The following ARIH1 variants were observed in gnomAD, a reference collection of about 807,000 sequenced individuals.
ARIH1 encodes ariadne RBR E3 ubiquitin protein ligase 1.
In ARIH1, 8 loss-of-function variants were observed where a neutral mutation model predicts 85.0. The ratio of observed to expected loss-of-function variants is 0.09; its 90% confidence interval spans 0.06 to 0.17. ARIH1 has a LOEUF of 0.17. Ranked by LOEUF, ARIH1 falls within the 10% of genes least tolerant of loss-of-function variation. The pLI is 1.00. For synonymous variants in ARIH1, 238 were observed against 253.6 expected (o/e 0.94, Z 0.59); for missense variants, 311 against 718.1 (o/e 0.43, Z 6.48).
At chr15:72,557,954 A>G (rs1367980620) in intron 5 of ARIH1, among the ~76,000 whole-genome samples, 1 of 152,174 alleles carries the variant, frequency 6.6e-6, no homozygotes, top group East Asian at 1.9e-4. Flanking sequence ...CAGAGTCTTT[A>G]GGGTTATTTC....
At chr15:72,510,601 G>T (rs1419545836) in intron 1 of ARIH1, among the ~76,000 whole-genome samples, 1 of 151,548 alleles carries the variant, frequency 6.6e-6, no homozygotes, top group Non-Finnish European at 1.5e-5. Context: ...GGCGGGCTTG[G>T]TGGTGGGCGC....
intron 1 of ARIH1, among the ~76,000 whole-genome samples, chr15:72,500,689 A>T (rs1372019924): frequency 3.3e-5 from 5 of 152,222 alleles, no homozygotes; most frequent in Non-Finnish European, 5.9e-5. Context: ...CATCTTTCAC[A>T]TTAGGAAGGT....
Position 72,530,848 on chromosome 15 carries a change from A to G in ARIH1, c.443+12714A>G, listed in dbSNP as rs556783695. 3.3e-5 allele frequency among the ~76,000 whole-genome samples: 5 copies of G among 152,374 alleles called. No individual in the cohort carries two copies. In the South Asian group the frequency reaches 8.3e-4, roughly 25 times the overall value. On this transcript the variant is annotated intron_variant, in intron 2 of 13. Coordinates refer to ENST00000379887, the MANE Select transcript of ARIH1 (RefSeq NM_005744.5). ...CAATGATCCAGAATTAAGTATATCC[A>G]TTAAAAGATGGAAAATACAGAAGAG... is the stretch of plus-strand genomic sequence containing the variant.
chr15:72,520,414 C>T (rs2063994284), intron 2 of ARIH1, among the ~76,000 whole-genome samples: 1 of 149,398 alleles, frequency 6.7e-6, no homozygotes. Flanking sequence ...AATATTCAAC[C>T]TTTCTGGGTT....
chr15:72,539,998 G>A (rs2064099515), intron 2 of ARIH1, among the ~76,000 whole-genome samples: 1 of 152,164 alleles, frequency 6.6e-6, no homozygotes, highest in African/African-American at 2.4e-5. Flanking sequence ...GGTGGCTCAT[G>A]CCTATAATCC....
intron 11 of ARIH1, among the ~76,000 whole-genome samples, chr15:72,577,729 T>C (rs899758048): frequency 4.0e-5 from 6 of 151,892 alleles, no homozygotes; most frequent in Middle Eastern, 3.4e-3. Flanking sequence ...TCAAGTTGAG[T>C]AGGCTGAGGA....
chr15:72,484,660 T>C lies in ARIH1; in HGVS notation c.375+9646T>C, dbSNP rs551190628. Among the ~76,000 whole-genome samples, 7 of 151,492 alleles carry C rather than the reference T, an allele frequency of 4.6e-5. No homozygotes were observed. The South Asian group carries it at 1.0e-3, about 22-fold the overall frequency. ...ATATATATATATGTGTATATATATA[T>C]GTGTGTGTATACATATATATACGTA... On this transcript the variant is annotated intron_variant, in intron 1 of 13. Transcript: ENST00000379887.
intron 3 of ARIH1, among the ~76,000 whole-genome samples, chr15:72,548,155 G>A (rs1450308682): frequency 1.3e-5 from 2 of 152,150 alleles, no homozygotes; most frequent in African/African-American, 4.8e-5. Context: ...AAGTGCTTTG[G>A]TAGGGCAAAT....
intron 12 of ARIH1, 61 bp downstream of exon 12, chr15:72,581,052 C>A: frequency 6.6e-7 from 1 of 1,520,006 alleles, no homozygotes; most frequent in South Asian, 1.3e-5. Flanking sequence ...CCTGATCTTT[C>A]ATATATAAGA....
chr15:72,546,686 T>A (rs924347568), intron 3 of ARIH1, among the ~76,000 whole-genome samples: 6 of 151,716 alleles, frequency 4.0e-5, no homozygotes, highest in African/African-American at 1.5e-4. Flanking sequence ...TTGTTTGTTT[T>A]GTTTTGTTTG....
chr15:72,491,196 G>C (rs1352751981), intron 1 of ARIH1, among the ~76,000 whole-genome samples: 1 of 152,046 alleles, frequency 6.6e-6, no homozygotes, highest in Non-Finnish European at 1.5e-5. Context: ...ATCTACCTTA[G>C]CTGCCATTTC....
At chr15:72,546,786 A>T (rs1348105154) in intron 3 of ARIH1, among the ~76,000 whole-genome samples, 1 of 151,624 alleles carries the variant, frequency 6.6e-6, no homozygotes, top group Non-Finnish European at 1.5e-5. Flanking sequence ...ACGGGGTTTC[A>T]CCATGTTGCC....
chr15:72,544,102 A>G (rs2064119107), intron 2 of ARIH1, among the ~76,000 whole-genome samples: 1 of 152,132 alleles, frequency 6.6e-6, no homozygotes, highest in African/African-American at 2.4e-5. Context: ...CTATATTTAG[A>G]TACATATTTT....
chr15:72,576,766 T>G (rs1206203331), intron 11 of ARIH1, among the ~76,000 whole-genome samples: 1 of 152,010 alleles, frequency 6.6e-6, no homozygotes. Context: ...CAGACTCTCT[T>G]TACATAACTG....
In ARIH1 at chr15:72,596,893, C is replaced by G. The variant is rs1384205344; in HGVS notation, c.*13601C>G. 2 of 151,958 alleles carry G rather than the reference C, an allele frequency of 1.3e-5. No homozygotes were observed. The highest frequency in any genetic ancestry group is 4.8e-5 in the African/African-American group (2 of 41,402). The allele number at this position is 151,958 out of a possible 1,614,324, so 9.4% of individuals were successfully genotyped here. On this transcript the variant is annotated 3_prime_UTR_variant, in exon 14 of 14. Transcript: ENST00000379887. ...TCTTCATGCATGTTTTCCACATTTT[C>G]CATTCTACTTTTTAGCATTTTAATC...
At chr15:72,581,160 A>G (rs1050204764) in intron 12 of ARIH1, among the ~76,000 whole-genome samples, 169 bp downstream of exon 12, 2 of 152,176 alleles carry the variant, frequency 1.3e-5, no homozygotes, top group Admixed American at 6.5e-5. Context: ...GTCCTAAATT[A>G]TATTCAGATC....
At chr15:72,490,094 G>A (rs1167767460) in intron 1 of ARIH1, among the ~76,000 whole-genome samples, 1 of 152,074 alleles carries the variant, frequency 6.6e-6, no homozygotes, top group African/African-American at 2.4e-5. Flanking sequence ...CAGTCACGGT[G>A]GTTCAAGCGT....
intron 11 of ARIH1, among the ~76,000 whole-genome samples, chr15:72,577,546 G>T (rs527892532): frequency 6.6e-6 from 1 of 151,880 alleles, no homozygotes; most frequent in Non-Finnish European, 1.5e-5. Context: ...GGTAGCAGGC[G>T]CCTGTAATCC....
rs1244242711 is a variant in ARIH1 at position 72,601,287 on chromosome 15, T to G, written c.*17995T>G. ...TACTCATGAGCTAACATGAGTTTAT[T>G]AAGTGTTCATTCTGACCATGCCATT... On this transcript the variant is annotated 3_prime_UTR_variant, in exon 14 of 14. Transcript: ENST00000379887. 1 of 152,218 alleles carries G rather than the reference T, an allele frequency of 6.6e-6. No individual in the cohort carries two copies. Among genetic ancestry groups the G allele is most frequent in the East Asian group, 1.9e-4 (1 of 5,194 alleles). 9.4% of individuals were successfully genotyped at this position (152,218 alleles called of 1,614,324 possible). A position where few individuals can be genotyped will look rare whatever the true frequency, so the allele number is the denominator to read the frequency against.
Sources: gnomAD v4.1 joint callset for allele counts (sites outside exome capture counted in the v4.1 genomes callset) on GRCh38, gnomAD v4.1.1 for gene constraint, MANE v1.5 for transcripts, NCBI Gene and HGNC (gene_info 2026-07-23, HGNC 2026-07-21) for gene names.